PLA2G12B: variants seen among roughly 807,000 people sequenced by gnomAD.
PLA2G12B encodes the protein group XIIB secretory phospholipase A2-like protein.
Under a neutral mutation model 22.3 loss-of-function variants are expected in PLA2G12B, and 19 were observed. That is an observed-to-expected ratio of 0.85 (90% confidence interval 0.60 to 1.25). The LOEUF is 1.25. Among genes scored for constraint, PLA2G12B ranks in the 50% most tolerant of loss-of-function variants. The pLI is 0.00. For synonymous variants in PLA2G12B, 81 were observed against 94.9 expected (o/e 0.85, Z 0.85); for missense variants, 191 against 246.6 (o/e 0.77, Z 1.51).
At chr10:72,938,242 T>A (rs2132962100) in intron 3 of PLA2G12B, among the ~76,000 whole-genome samples, 1 of 152,248 alleles carries the variant, frequency 6.6e-6, no homozygotes, top group South Asian at 2.1e-4. Flanking sequence ...CTAACAATCA[T>A]TCTCAATGGT....
chr10:72,940,671 C>CA (rs1002651965), intron 3 of PLA2G12B, among the ~76,000 whole-genome samples: 2 of 150,390 alleles, frequency 1.3e-5, no homozygotes, highest in Admixed American at 6.6e-5. Flanking sequence ...GATTCTGTCT[C>CA]AAAAAAAATT....
intron 3 of PLA2G12B, among the ~76,000 whole-genome samples, chr10:72,936,925 G>A (rs921533521): frequency 5.3e-5 from 8 of 152,216 alleles, no homozygotes; most frequent in Admixed American, 2.6e-4. Flanking sequence ...TTAGGGCCGG[G>A]CACGGTGGCT....
chr10:72,938,552 GA>G (rs1355485784), intron 3 of PLA2G12B, among the ~76,000 whole-genome samples: 1 of 151,904 alleles, frequency 6.6e-6, no homozygotes, highest in Non-Finnish European at 1.5e-5. Context: ...TAAATAATCT[GA>G]AAATAAAATT....
At position 72,942,213 on chromosome 10, in the gene PLA2G12B, C is replaced by T. The variant is rs1589540679; in HGVS notation, c.300+439G>A. On this transcript the variant is annotated intron_variant, in intron 2 of 3. Coordinates refer to ENST00000373032, the MANE Select transcript of PLA2G12B (RefSeq NM_032562.5). ...GCAGATTTCTATGATGTCAGCTCTCCAAACATAGCCAATTTGGCACTACTA... is the reference window on the plus strand; with the variant it reads ...GCAGATTTCTATGATGTCAGCTCTCTAAACATAGCCAATTTGGCACTACTA... Among the ~76,000 whole-genome samples, 3 of 150,188 alleles carry T rather than the reference C, an allele frequency of 2.0e-5. No individual in the cohort carries two copies. The East Asian group carries it at 5.9e-4, about 30-fold the overall frequency.
Position 72,935,599 on chromosome 10 carries a change from G to A in PLA2G12B, c.*18C>T. 1 of 1,613,326 alleles carries A rather than the reference G, an allele frequency of 6.2e-7. No homozygotes were observed. On this transcript the variant is annotated 3_prime_UTR_variant, in exon 4 of 4. Coordinates refer to ENST00000373032, the MANE Select transcript of PLA2G12B (RefSeq NM_032562.5). ...CAGCTGTGGTGTCACTCAAAACCAG[G>A]AAGGAATCACTTCTTCCTCATAACT...
At chr10:72,943,808 A>T (rs1846398022) in intron 1 of PLA2G12B, among the ~76,000 whole-genome samples, 3 of 152,198 alleles carry the variant, frequency 2.0e-5, no homozygotes, top group Admixed American at 6.5e-5. Context: ...GGGAAATAGG[A>T]TATAAAGTCA....
intron 3 of PLA2G12B, 37 bp downstream of exon 3, chr10:72,941,132 C>T: frequency 6.3e-7 from 1 of 1,582,118 alleles, no homozygotes; most frequent in Non-Finnish European, 8.6e-7. Context: ...CAGGAACAAA[C>T]CTCCCTGTGC....
At chr10:72,937,839 G>A (rs1000381886) in intron 3 of PLA2G12B, among the ~76,000 whole-genome samples, 1 of 151,948 alleles carries the variant, frequency 6.6e-6, no homozygotes, top group Non-Finnish European at 1.5e-5. Context: ...ACTTTTTCAC[G>A]ATAAAAACAC....
At chr10:72,946,468 T>A (rs1846442171) in intron 1 of PLA2G12B, among the ~76,000 whole-genome samples, 1 of 151,160 alleles carries the variant, frequency 6.6e-6, no homozygotes, top group African/African-American at 2.5e-5. Context: ...TCCATAAGAA[T>A]AGGATTGCTG....
chr10:72,945,253 T>A (rs573828379), intron 1 of PLA2G12B, among the ~76,000 whole-genome samples: 1 of 152,174 alleles, frequency 6.6e-6, no homozygotes, highest in African/African-American at 2.4e-5. Flanking sequence ...ACTGCAGAAG[T>A]GGAGGTGTGT....
chr10:72,934,841 C>T lies in PLA2G12B; in HGVS notation c.*776G>A, dbSNP rs533420738. Among the ~76,000 whole-genome samples, 10 of 152,300 alleles carry T rather than the reference C, an allele frequency of 6.6e-5. No individual in the cohort carries two copies. The highest frequency in any genetic ancestry group is 1.4e-4 in the African/African-American group (6 of 41,560). On this transcript the variant is annotated 3_prime_UTR_variant, in exon 4 of 4. Transcript: ENST00000373032. ...GGAATGGCCACTTGTCTCTCACTCCCGACAGGCTGCAGGGACTTTTCCTAG... is the reference window on the plus strand; with the variant it reads ...GGAATGGCCACTTGTCTCTCACTCCTGACAGGCTGCAGGGACTTTTCCTAG...
At chr10:72,944,895 CCT>C (rs751280743) in intron 1 of PLA2G12B, among the ~76,000 whole-genome samples, 8 of 152,154 alleles carry the variant, frequency 5.3e-5, no homozygotes, top group Non-Finnish European at 1.2e-4. Flanking sequence ...GGGTCCAGCC[CCT>C]CTCTTCAGTA....
In PLA2G12B at chr10:72,935,016, G is replaced by T. The variant is rs567387455; in HGVS notation, c.*601C>A. 5.9e-4 allele frequency among the ~76,000 whole-genome samples: 90 copies of T among 152,234 alleles called. No individual in the cohort carries two copies. The highest frequency in any genetic ancestry group is 2.1e-3 in the African/African-American group (86 of 41,542). ...ATTCCATCTGACCTTCCCCTCCGTT[G>T]GCCTTAATCAGGTAAGCCTCTGAGC... On this transcript the variant is annotated 3_prime_UTR_variant, in exon 4 of 4. Coordinates refer to ENST00000373032, the MANE Select transcript of PLA2G12B (RefSeq NM_032562.5).
chr10:72,941,390 A>C, intron 2 of PLA2G12B, 56 bp from the exon 3 acceptor site: 5 of 1,538,904 alleles, frequency 3.2e-6, no homozygotes, highest in Non-Finnish European at 4.5e-6. Context: ...GTTTAGACTA[A>C]GGACCTTAGG....
intron 3 of PLA2G12B, among the ~76,000 whole-genome samples, chr10:72,938,448 G>GA (rs141911551): frequency 6.6e-6 from 1 of 151,724 alleles, no homozygotes; most frequent in African/African-American, 2.4e-5. Flanking sequence ...TGGAATCCAT[G>GA]AAAAAAAATA....
rs537435247 is a variant in PLA2G12B at position 72,945,957 on chromosome 10, G to A, written c.212-3217C>T. 2.7e-4 allele frequency among the ~76,000 whole-genome samples: 41 copies of A among 152,176 alleles called. 1 individual carries two copies. Among genetic ancestry groups the A allele is most frequent in the South Asian group, 1.7e-3 (8 of 4,824 alleles). On this transcript the variant is annotated intron_variant, in intron 1 of 3. Coordinates refer to ENST00000373032, the MANE Select transcript of PLA2G12B (RefSeq NM_032562.5). ...GCCACCTTTCCTGGCCTGCCATTATGATTTTAATCTCTTTGTTATATTTTT... is the reference window on the plus strand; with the variant it reads ...GCCACCTTTCCTGGCCTGCCATTATAATTTTAATCTCTTTGTTATATTTTT...
chr10:72,941,036 C>T, intron 3 of PLA2G12B, 133 bp downstream of exon 3: 1 of 1,017,948 alleles, frequency 9.8e-7, no homozygotes, highest in Non-Finnish European at 1.4e-6. Context: ...ATTTCTTGCT[C>T]AGCCACAGTG....
rs757712531 is a variant in PLA2G12B at position 72,942,681 on chromosome 10, A to G, written c.271T>C (p.Tyr91His). The G allele has an allele frequency of 6.2e-7, 1 of 1,607,742 alleles. No homozygotes were observed. Among genetic ancestry groups the G allele is most frequent in the Non-Finnish European group, 8.5e-7 (1 of 1,177,248 alleles). Residue 91 changes from tyrosine (Y) to histidine (H), a missense_variant, in exon 2 of 4, where the codon TAT (tyrosine) becomes CAT (histidine). By Grantham distance (83) the Tyr-to-His change is moderately conservative. Coordinates refer to ENST00000373032, the MANE Select transcript of PLA2G12B (RefSeq NM_032562.5). ...KPQEPNGCGS[Y>H]FLGLKVPESM... ...TCTGGTACCTTGAGACCCAGGAAAT[A>G]GGAGCCGCAGCCATTGGGCTCTTGG...
chr10:72,940,891 C>A (rs564660229), intron 3 of PLA2G12B, among the ~76,000 whole-genome samples: 8 of 151,970 alleles, frequency 5.3e-5, no homozygotes, highest in Non-Finnish European at 8.8e-5. Flanking sequence ...ATTCCTTCTC[C>A]AGCCTTAAAT....
Sources: allele counts gnomAD v4.1 joint callset (sites outside exome capture counted in the v4.1 genomes callset), GRCh38; gene constraint gnomAD v4.1.1; transcripts MANE v1.5; gene names NCBI Gene and HGNC (gene_info 2026-07-23, HGNC 2026-07-21).